The following NF1 variants were observed in gnomAD, a reference collection of about 807,000 sequenced individuals.
NF1 encodes neurofibromin 1.
Under a neutral mutation model 325.7 loss-of-function variants are expected in NF1, and 122 were observed. The observed-to-expected ratio is 0.37, with a 90% CI of 0.32 to 0.44. The LOEUF (loss-of-function observed/expected upper bound fraction) is 0.44. Among genes scored for constraint, NF1 ranks in the 20% least tolerant of loss-of-function variants. The pLI is 1.00. For synonymous variants in NF1, 1,091 were observed against 1,186.0 expected (o/e 0.92, Z 1.65); for missense variants, 2,140 against 3,415.4 (o/e 0.63, Z 9.31).
At chr17:31,194,822 G>A (rs1442100334) in intron 8 of NF1, among the ~76,000 whole-genome samples, 1 of 152,118 alleles carries the variant, frequency 6.6e-6, no homozygotes, top group Non-Finnish European at 1.5e-5. Context: ...TGTGTGTGAG[G>A]TAAACTTGGT....
chr17:31,262,773 A>G (rs1198423020), intron 35 of NF1, among the ~76,000 whole-genome samples: 1 of 152,206 alleles, frequency 6.6e-6, no homozygotes, highest in Non-Finnish European at 1.5e-5. Context: ...TTTTATTTTT[A>G]GCTCTACTAG....
At chr17:31,279,934 A>T (rs1231134395) in intron 36 of NF1, among the ~76,000 whole-genome samples, 1 of 152,142 alleles carries the variant, frequency 6.6e-6, no homozygotes, top group Non-Finnish European at 1.5e-5. Context: ...TTTTAAAAAG[A>T]TGCTCTCCTT....
At position 31,340,651 on chromosome 17, in the gene NF1, CA is replaced by C; in HGVS notation, c.7062+9del. On this transcript the variant is annotated splice_region_variant and intron_variant, in intron 47 of 57. Coordinates refer to ENST00000358273, the MANE Select transcript of NF1 (RefSeq NM_001042492.3). ...TCCGTATATTCAATGACAAGGTAAGCAAACTTTGCCTTGAGGTTCCTAGATT... is the reference window on the plus strand; with the variant it reads ...TCCGTATATTCAATGACAAGGTAAGCAACTTTGCCTTGAGGTTCCTAGATT... 2 of 1,613,864 alleles carry C rather than the reference CA, an allele frequency of 1.2e-6. No homozygotes were observed. Among genetic ancestry groups the C allele is most frequent in the Non-Finnish European group, 1.7e-6 (2 of 1,179,878 alleles).
chr17:31,218,716 C>T (rs1223609913), intron 13 of NF1, among the ~76,000 whole-genome samples: 2 of 152,178 alleles, frequency 1.3e-5, no homozygotes, highest in Non-Finnish European at 2.9e-5. Flanking sequence ...GGACCACAGG[C>T]GCATGCCACC....
intron 39 of NF1, chr17:31,331,468 T>C (rs1260192916): frequency 6.6e-6 from 1 of 152,090 alleles, no homozygotes; most frequent in Non-Finnish European, 1.5e-5. Flanking sequence ...CAATAATAGC[T>C]AAGAAAATAT....
intron 8 of NF1, among the ~76,000 whole-genome samples, chr17:31,190,068 T>C (rs1477911438): frequency 1.4e-5 from 2 of 142,994 alleles, no homozygotes; most frequent in African/African-American, 5.2e-5. Context: ...GGCTAAAAAA[T>C]GTATTTTTAA....
chr17:31,273,903 T>G (rs1451210267), intron 36 of NF1, among the ~76,000 whole-genome samples: 1 of 152,208 alleles, frequency 6.6e-6, no homozygotes, highest in East Asian at 1.9e-4. Flanking sequence ...TGACTCTAAC[T>G]AGATGAATTT....
chr17:31,132,846 T>C (rs1915492681), intron 1 of NF1, among the ~76,000 whole-genome samples: 1 of 151,950 alleles, frequency 6.6e-6, no homozygotes, highest in African/African-American at 2.4e-5. Flanking sequence ...TTTGTATTTT[T>C]AGTAGAGATG....
At chr17:31,296,415 CAA>C (rs1463150489) in intron 36 of NF1, 5 of 1,380,530 alleles carry the variant, frequency 3.6e-6, no homozygotes, top group Non-Finnish European at 5.2e-6. Flanking sequence ...TAGCATTAGG[CAA>C]AATTTTCAAT....
At chr17:31,132,531 CT>C (rs1162821691) in intron 1 of NF1, among the ~76,000 whole-genome samples, 1 of 151,944 alleles carries the variant, frequency 6.6e-6, no homozygotes, top group Admixed American at 6.6e-5. Context: ...CAGAGCAAGA[CT>C]TCATCTCAAA....
chr17:31,272,608 T>C (rs2067922156), intron 36 of NF1: 1 of 152,226 alleles, frequency 6.6e-6, no homozygotes. Flanking sequence ...CTGGGATTGG[T>C]GCTCTTCCTG....
intron 5 of NF1, among the ~76,000 whole-genome samples, chr17:31,178,514 A>G (rs1209475806): frequency 6.6e-6 from 1 of 152,234 alleles, no homozygotes; most frequent in East Asian, 1.9e-4. Flanking sequence ...ACATAACACT[A>G]TTAACCTTAA....
At chr17:31,356,078 C>T (rs1391161410) in intron 51 of NF1, 4 of 175,058 alleles carry the variant, frequency 2.3e-5, no homozygotes, top group South Asian at 1.3e-4. Flanking sequence ...GCACCAGCAG[C>T]GTTTCTTAAA....
At chr17:31,260,726 A>G (rs2067670843) in intron 34 of NF1, among the ~76,000 whole-genome samples, 1 of 152,156 alleles carries the variant, frequency 6.6e-6, no homozygotes, top group Admixed American at 6.5e-5. Flanking sequence ...TCCAGTGGTC[A>G]TTATTATTAT....
At chr17:31,299,955 C>A (rs1006155095) in intron 36 of NF1, among the ~76,000 whole-genome samples, 1 of 152,060 alleles carries the variant, frequency 6.6e-6, no homozygotes, top group African/African-American at 2.4e-5. Flanking sequence ...ATATCATTGA[C>A]ATAATTGCTC....
chr17:31,293,178 CAAAAAAAAAAAAAAAAAAAAAA>C (rs71142044), intron 36 of NF1, among the ~76,000 whole-genome samples: 1 of 64,844 alleles, frequency 1.5e-5, no homozygotes, highest in Non-Finnish European at 3.0e-5. Flanking sequence ...GACTTCGTCT[CAAAAAAAAAAAAAAAAAAAAAA>C]AAAAAAAAAA....
intron 13 of NF1, among the ~76,000 whole-genome samples, chr17:31,215,680 C>T (rs139051909): frequency 6.6e-6 from 1 of 152,328 alleles, no homozygotes; most frequent in Non-Finnish European, 1.5e-5. Context: ...TATATTGTGT[C>T]TTTCATAGGA....
chr17:31,274,737 GTAATA>G (rs2067969997), intron 36 of NF1, among the ~76,000 whole-genome samples: 2 of 534 alleles, frequency 3.7e-3, no homozygotes, highest in Non-Finnish European at 0.021. Flanking sequence ...GTTGGTAATA[GTAATA>G]GTAATAGTAA....
rs1254820959 is a variant in NF1, at chr17:31,336,770, G to A, written c.6283G>A (p.Asp2095Asn). 1 of 1,614,036 alleles carries A rather than the reference G, an allele frequency of 6.2e-7. No homozygotes were observed. ...GATGCTGTCCTTCAACAATTCCCTT[G>A]ATGTGGCAGCTCATCTTCCCTACCT... ...MLMLSFNNSL[D>N]VAAHLPYLFH... is the part of the protein sequence containing the mutation. The change falls in exon 42 of 58, where the codon GAT (aspartate) becomes AAT (asparagine). Residue 2095 changes from aspartate (D) to asparagine (N), a missense_variant. By Grantham distance (23) the Asp-to-Asn change is conservative (BLOSUM62 1). Coordinates refer to ENST00000358273, the MANE Select transcript of NF1 (RefSeq NM_001042492.3). The surrounding 1 kb of genome is among the most constrained non-coding windows in gnomAD (Gnocchi z 5.5).
Sources: gnomAD v4.1 joint callset for allele counts (sites outside exome capture counted in the v4.1 genomes callset) on GRCh38, gnomAD v4.1.1 for gene constraint, Gnocchi (gnomAD v3.1) non-coding constraint, MANE v1.5 for transcripts, NCBI Gene and HGNC (gene_info 2026-07-23, HGNC 2026-07-21) for gene names.